The following KLHL24 variants were observed in gnomAD, a reference collection of about 807,000 sequenced individuals.
KLHL24 encodes the protein kelch-like protein 24.
A neutral mutation model predicts 53.4 loss-of-function variants in KLHL24; 29 were observed. The ratio of observed to expected loss-of-function variants is 0.54; its 90% CI spans 0.40 to 0.74. KLHL24 has a LOEUF of 0.74. KLHL24 is among the 30% of genes least tolerant of loss of function. KLHL24 has a pLI of 0.00. For missense variants in KLHL24, 504 were observed against 744.0 expected, an observed-to-expected ratio of 0.68 and a Z score of 3.75; for synonymous variants, 222 against 253.7, an observed-to-expected ratio of 0.88 and a Z score of 1.19.
At chr3:183,657,144 A>G (rs1429244068) in intron 3 of KLHL24, among the ~76,000 whole-genome samples, 2 of 152,148 alleles carry the variant, frequency 1.3e-5, no homozygotes, top group Non-Finnish European at 2.9e-5. Flanking sequence ...TTCCCTGGAA[A>G]GAGTCATTTC....
intron 5 of KLHL24, among the ~76,000 whole-genome samples, chr3:183,669,427 G>A (rs1383986041): frequency 5.3e-5 from 8 of 152,180 alleles, no homozygotes; most frequent in African/African-American, 1.4e-4. Context: ...TACATTGGAT[G>A]GCAGAGCTGG....
intron 7 of KLHL24, 110 bp from the exon 8 acceptor site, chr3:183,678,976 C>T (rs1712380013): frequency 2.4e-6 from 2 of 820,204 alleles, no homozygotes; most frequent in Admixed American, 4.6e-5. Context: ...TAGCTTTTAT[C>T]ATGTCTCCCT....
chr3:183,637,351 T>G (rs1040685364), intron 1 of KLHL24, among the ~76,000 whole-genome samples: 3 of 152,206 alleles, frequency 2.0e-5, no homozygotes, highest in African/African-American at 7.2e-5. Context: ...CCCTAAAAAG[T>G]AAAGATTCTT....
At chr3:183,678,392 G>T (rs1340403591) in intron 7 of KLHL24, among the ~76,000 whole-genome samples, 1 of 152,098 alleles carries the variant, frequency 6.6e-6, no homozygotes, top group African/African-American at 2.4e-5. Flanking sequence ...TAACCTTCCT[G>T]TAATAGGAGA....
intron 5 of KLHL24, among the ~76,000 whole-genome samples, chr3:183,669,061 A>T (rs1022272134): frequency 6.6e-6 from 1 of 152,220 alleles, no homozygotes; most frequent in East Asian, 1.9e-4. Context: ...ACTTTTCTTA[A>T]TCTAGAGGCC....
At chr3:183,637,075 C>T (rs556959507) in intron 1 of KLHL24, among the ~76,000 whole-genome samples, 2 of 152,322 alleles carry the variant, frequency 1.3e-5, no homozygotes, top group Admixed American at 1.3e-4. Context: ...ATATAGATCA[C>T]AGTGCCACAT....
chr3:183,636,669 TCGAGTTTTTATTGG>T (rs1278733838), intron 1 of KLHL24: 11 of 152,348 alleles, frequency 7.2e-5, no homozygotes, highest in Admixed American at 2.6e-4. Context: ...GAGGGAGAGT[TCGAGTTTTTATTGG>T]CGAGTTTTTA....
rs1712446430 is a variant in KLHL24 at position 183,679,345 on chromosome 3, C to T, written c.*59C>T. 2.3e-6 allele frequency: 3 copies of T among 1,294,856 alleles called. No individual in the cohort carries two copies. The highest frequency in any genetic ancestry group is 1.8e-5 in the Admixed American group (1 of 54,620). The allele number at this position is 1,294,856 out of a possible 1,614,324, so 80.2% of individuals were successfully genotyped here. A position where few individuals can be genotyped will look rare whatever the true frequency, so the allele number is the denominator to read the frequency against. On this transcript the variant is annotated 3_prime_UTR_variant, in exon 8 of 8. Coordinates refer to ENST00000242810, the MANE Select transcript of KLHL24 (RefSeq NM_017644.3). ...TCCAAGATGGGAGGTTTTAAAAACT[C>T]TACAGTGGGAACTTCACATATCTCC... is the stretch of plus-strand genomic sequence containing the variant.
chr3:183,662,450 A>T (rs1455771161), intron 3 of KLHL24, among the ~76,000 whole-genome samples: 1 of 152,062 alleles, frequency 6.6e-6, no homozygotes, highest in Non-Finnish European at 1.5e-5. Context: ...TCTTTGTGAG[A>T]CTTAACTTGT....
chr3:183,655,809 C>G (rs1718774465), intron 3 of KLHL24, among the ~76,000 whole-genome samples: 1 of 151,908 alleles, frequency 6.6e-6, no homozygotes, highest in Admixed American at 6.6e-5. Flanking sequence ...GTAGTCCCAT[C>G]TACTCGGGAG....
chr3:183,673,214 A>G (rs1280786117), intron 7 of KLHL24, among the ~76,000 whole-genome samples: 1 of 152,128 alleles, frequency 6.6e-6, no homozygotes, highest in Non-Finnish European at 1.5e-5. Flanking sequence ...TCAAAAAAGT[A>G]AATAAATAAG....
intron 3 of KLHL24, among the ~76,000 whole-genome samples, chr3:183,656,037 CTTTTT>C (rs760140064): frequency 1.5e-4 from 14 of 90,906 alleles, no homozygotes; most frequent in Non-Finnish European, 2.2e-4. Flanking sequence ...CCCTTAGCAT[CTTTTT>C]TTTTTTTTTT....
chr3:183,638,196 A>T (rs1190943617), intron 1 of KLHL24, among the ~76,000 whole-genome samples: 1 of 152,256 alleles, frequency 6.6e-6, no homozygotes, highest in East Asian at 1.9e-4. Flanking sequence ...ACCATCACTC[A>T]GTAAAGGCTT....
intron 3 of KLHL24, among the ~76,000 whole-genome samples, chr3:183,656,182 G>C (rs1300861594): frequency 5.3e-5 from 8 of 151,206 alleles, no homozygotes; most frequent in African/African-American, 1.9e-4. Context: ...GACTACAGGT[G>C]TACATCACCA....
chr3:183,669,969 C>T (rs887972731), intron 5 of KLHL24, among the ~76,000 whole-genome samples: 1 of 152,102 alleles, frequency 6.6e-6, no homozygotes, highest in Admixed American at 6.5e-5. Flanking sequence ...GTGAGCTGGG[C>T]GTGATGGCTC....
intron 7 of KLHL24, among the ~76,000 whole-genome samples, chr3:183,677,497 C>G (rs1424331544): frequency 6.6e-6 from 1 of 152,108 alleles, no homozygotes; most frequent in Admixed American, 6.6e-5. Context: ...TAAGTACTCA[C>G]AAATTCTTTC....
chr3:183,643,798 T>C (rs1716816157), intron 2 of KLHL24, among the ~76,000 whole-genome samples: 1 of 152,148 alleles, frequency 6.6e-6, no homozygotes, highest in Non-Finnish European at 1.5e-5. Context: ...CTTTAAGTCA[T>C]TATGTTTGTT....
chr3:183,673,367 T>C (rs1042613199), intron 7 of KLHL24, among the ~76,000 whole-genome samples: 3 of 150,734 alleles, frequency 2.0e-5, no homozygotes, highest in African/African-American at 7.4e-5. Flanking sequence ...CATGGAGAAG[T>C]ATCTGTTACA....
rs1445980579 is a variant in KLHL24 at position 183,672,322 on chromosome 3, T to C, written c.1440T>C (p.Asn480=). ...TTCAATCTTATGATCCAGAAACCAA[T>C]TCTTGGCTACTTCGTGCAGCTATCC... The part of the protein sequence containing the change: ...DKVQSYDPET[N]SWLLRAAIPI... Residue 480 remains asparagine (N), a synonymous_variant, in exon 7 of 8, where the codon AAT becomes AAC. Coordinates refer to ENST00000242810, the MANE Select transcript of KLHL24 (RefSeq NM_017644.3). The C allele has an allele frequency of 6.2e-7, 1 of 1,600,906 alleles. No homozygotes were observed. Among genetic ancestry groups the C allele is most frequent in the South Asian group, 1.1e-5 (1 of 88,544 alleles).
Sources: allele counts gnomAD v4.1 joint callset (sites outside exome capture counted in the v4.1 genomes callset), GRCh38; gene constraint gnomAD v4.1.1; transcripts MANE v1.5; gene names NCBI Gene and HGNC (gene_info 2026-07-23, HGNC 2026-07-21).